Variants in IGSF10 observed in about 807,000 individuals in gnomAD.
The protein encoded by IGSF10 is immunoglobulin superfamily member 10.
IGSF10 carries 126 observed loss-of-function variants against 128.2 expected under a neutral mutation model. The observed-to-expected ratio is 0.98, with a 90% CI of 0.85 to 1.14. The LOEUF is 1.14. IGSF10 is among the 50% of genes most tolerant of loss of function. IGSF10 has a pLI of 0.00. For missense variants in IGSF10, 3,295 were observed against 3,149.8 expected, an observed-to-expected ratio of 1.05 and a Z score of -1.10; for synonymous variants, 1,185 against 1,146.2, an observed-to-expected ratio of 1.03 and a Z score of -0.68.
chr3:151,493,392 G>A, the IGSF10 span, among the ~76,000 whole-genome samples: 2 of 152,128 alleles, frequency 1.3e-5, no homozygotes, highest in African/African-American at 4.8e-5. Context: ...TTTGGTCAAC[G>A]ATGGACCCCC....
At chr3:151,468,025 T>C in the IGSF10 span, among the ~76,000 whole-genome samples, 1 of 152,260 alleles carries the variant, frequency 6.6e-6, no homozygotes, top group South Asian at 2.1e-4. Context: ...ATGAACCAGT[T>C]TGAGATTACA....
the IGSF10 span, among the ~76,000 whole-genome samples, chr3:151,466,087 C>A: frequency 2.6e-5 from 4 of 152,160 alleles, no homozygotes; most frequent in African/African-American, 2.4e-5. Context: ...TCTGAATCTG[C>A]GGTATTTCTG....
chr3:151,521,070 G>T, the IGSF10 span, among the ~76,000 whole-genome samples: 8 of 151,606 alleles, frequency 5.3e-5, no homozygotes, highest in Non-Finnish European at 1.2e-4. Flanking sequence ...AAAAATCAGG[G>T]GTTATAATAC....
chr3:151,609,058 G>A, the IGSF10 span, among the ~76,000 whole-genome samples: 11 of 152,320 alleles, frequency 7.2e-5, no homozygotes, highest in East Asian at 1.9e-3. Flanking sequence ...AGTGAAGACT[G>A]AGAACGACTG....
At chr3:151,617,253 TCTC>T in the IGSF10 span, among the ~76,000 whole-genome samples, 2 of 136,024 alleles carry the variant, frequency 1.5e-5, no homozygotes, top group Non-Finnish European at 3.2e-5. Context: ...CTCCTCTTCT[TCTC>T]CTTCTCTTCT....
At chr3:151,466,707 T>C in the IGSF10 span, among the ~76,000 whole-genome samples, 1 of 152,108 alleles carries the variant, frequency 6.6e-6, no homozygotes, top group Non-Finnish European at 1.5e-5. Flanking sequence ...GCCTCCCGAG[T>C]AGCTGGGACT....
chr3:151,521,635 CA>C, the IGSF10 span, among the ~76,000 whole-genome samples: 3 of 151,792 alleles, frequency 2.0e-5, no homozygotes, highest in Non-Finnish European at 1.5e-5. Flanking sequence ...AATTCAAAAG[CA>C]GAAATTAAGA....
chr3:151,577,175 C>A, the IGSF10 span, among the ~76,000 whole-genome samples: 20 of 152,204 alleles, frequency 1.3e-4, no homozygotes, highest in African/African-American at 4.3e-4. Flanking sequence ...TTTTCTTTGG[C>A]ATTTCTTTTG....
chr3:151,517,233 C>T, the IGSF10 span, among the ~76,000 whole-genome samples: 1 of 152,068 alleles, frequency 6.6e-6, no homozygotes, highest in Non-Finnish European at 1.5e-5. Context: ...TCTGCAGCTG[C>T]TAGCCCTTCT....
Position 151,457,233 on chromosome 3 carries a change from A to G in IGSF10, c.195-78T>C, listed in dbSNP as rs1486775938. On this transcript the variant is annotated intron_variant, in intron 3 of 7. Coordinates refer to ENST00000282466, the MANE Select transcript of IGSF10 (RefSeq NM_178822.5). ...CAAATGTCATAACCAAAATAAACAC[A>G]AGAAAACTCAATACCTCTCTTTATA... The G allele has an allele frequency of 6.7e-5, 90 of 1,334,208 alleles. 1 individual carries two copies. The South Asian group carries it at 1.1e-3, about 17-fold the overall frequency. The allele number at this position is 1,334,208 out of a possible 1,614,324, so 82.6% of individuals were successfully genotyped here. A position where few individuals can be genotyped will look rare whatever the true frequency, so the allele number is the denominator to read the frequency against.
rs146572757 is a variant in IGSF10 at position 151,445,233 on chromosome 3, A to G, written c.4748T>C (p.Ile1583Thr). The part of the protein sequence containing the change: ...NQFWHKPYSE[I>T]AEKGKKPEVS... ...TTCTGGCTTTTTGCCTTTTTCAGCAATTTCTGAGTATGGTTTGTGCCAAAA... is the reference window on the plus strand; with the variant it reads ...TTCTGGCTTTTTGCCTTTTTCAGCAGTTTCTGAGTATGGTTTGTGCCAAAA... Residue 1583 changes from isoleucine to threonine, a missense_variant, in exon 6 of 8, where the codon ATT (isoleucine) becomes ACT (threonine). By Grantham distance (89) the Ile-to-Thr change is moderately conservative. Transcript: ENST00000282466. The G allele has an allele frequency of 4.2e-5, 67 of 1,614,082 alleles. No homozygotes were observed. The African/African-American group carries it at 5.9e-4, about 14-fold the overall frequency.
the IGSF10 span, among the ~76,000 whole-genome samples, chr3:151,481,561 G>T: frequency 6.6e-6 from 1 of 152,002 alleles, no homozygotes; most frequent in Non-Finnish European, 1.5e-5. Context: ...TAAAAACTTG[G>T]GTGTATCTCA....
chr3:151,465,023 A>G (rs892918561), upstream of IGSF10, among the ~76,000 whole-genome samples: 4 of 152,220 alleles, frequency 2.6e-5, no homozygotes, highest in Non-Finnish European at 5.9e-5. Flanking sequence ...AAGCAAATGC[A>G]TGGTCCTCTT....
rs1383062666 is a variant in IGSF10 at position 151,436,410 on chromosome 3, TTTG to T, written c.*276_*278del. The T allele has an allele frequency of 5.4e-5, 14 of 258,328 alleles. No individual in the cohort carries two copies. The highest frequency in any genetic ancestry group is 1.5e-3 in the Middle Eastern group (1 of 668). The allele number at this position is 258,328 out of a possible 1,614,324, so 16.0% of individuals were successfully genotyped here. On this transcript the variant is annotated 3_prime_UTR_variant, in exon 8 of 8. Coordinates refer to ENST00000282466, the MANE Select transcript of IGSF10 (RefSeq NM_178822.5). ...CTGAAAAATTCAGGTACATTAGCCA[TTTG>T]TTATTTTATAGTGAACCGTTTCAAT... is the stretch of plus-strand genomic sequence containing the variant.
At position 151,447,217 on chromosome 3, in the gene IGSF10, T is replaced by C. The variant is rs985491503; in HGVS notation, c.2764A>G (p.Ile922Val). The part of the protein sequence containing the change: ...GREHFQSRPP[I>V]TVRTMIKDVN... ...TCTTTGATCATAGTCCTTACTGTTA[T>C]TGGGGGTCTACTTTGGAAATGCTCT... The change falls in exon 6 of 8, where the codon ATA becomes GTA. Residue 922 changes from isoleucine (I) to valine (V), a missense_variant. Physicochemically the swap from Ile to Val is conservative, Grantham distance 29. Coordinates refer to ENST00000282466, the MANE Select transcript of IGSF10 (RefSeq NM_178822.5). The C allele has an allele frequency of 1.2e-6, 2 of 1,614,224 alleles. No homozygotes were observed. The highest frequency in any genetic ancestry group is 2.2e-5 in the East Asian group (1 of 44,880).
At chr3:151,605,090 T>A in the IGSF10 span, among the ~76,000 whole-genome samples, 2 of 152,174 alleles carry the variant, frequency 1.3e-5, no homozygotes, top group Non-Finnish European at 2.9e-5. Flanking sequence ...CAGCCTACGC[T>A]TAGGGGCCAT....
chr3:151,558,480 T>C, the IGSF10 span, among the ~76,000 whole-genome samples: 16,100 of 151,774 alleles, frequency 0.11, 1,154 homozygotes, highest in Non-Finnish European at 0.16. Flanking sequence ...GGTTTAATAA[T>C]TGCTGTCACA....
chr3:151,554,343 T>G, the IGSF10 span, among the ~76,000 whole-genome samples: 1 of 152,124 alleles, frequency 6.6e-6, no homozygotes, highest in South Asian at 2.1e-4. Context: ...AAAAAGTCAA[T>G]AGCCCATCTT....
the IGSF10 span, among the ~76,000 whole-genome samples, chr3:151,570,687 C>G: frequency 6.6e-6 from 1 of 152,176 alleles, no homozygotes; most frequent in Non-Finnish European, 1.5e-5. Context: ...TGTATGTTGC[C>G]TGTTCACTCT....
Sources: gnomAD v4.1 joint callset for allele counts (sites outside exome capture counted in the v4.1 genomes callset) on GRCh38, gnomAD v4.1.1 for gene constraint, MANE v1.5 for transcripts, NCBI Gene and HGNC (gene_info 2026-07-23, HGNC 2026-07-21) for gene names.